The following ATMIN variants were observed in gnomAD, a reference collection of about 807,000 sequenced individuals.
The protein encoded by ATMIN is ATM interactor, also known as ATM INteracting protein.
ATMIN carries 24 observed loss-of-function variants against 49.2 expected under a neutral mutation model. The ratio of observed to expected loss-of-function variants is 0.49; its 90% CI spans 0.35 to 0.69. The LOEUF (loss-of-function observed/expected upper bound fraction) is 0.69. Ranked by LOEUF, ATMIN falls within the 30% of genes least tolerant of loss-of-function variation. ATMIN has a pLI of 0.00. For synonymous variants in ATMIN, 450 were observed against 392.5 expected, an observed-to-expected ratio of 1.15 and a Z score of -1.73; for missense variants, 1,037 against 1,005.5, an observed-to-expected ratio of 1.03 and a Z score of -0.42.
chr16:81,036,341 C>T (rs941880859), intron 1 of ATMIN, 135 bp downstream of exon 1: 4 of 868,982 alleles, frequency 4.6e-6, no homozygotes, highest in Non-Finnish European at 5.6e-6. Flanking sequence ...CCGGCCTCTG[C>T]CCTCCCCGGC....
chr16:81,036,325 G>GCCGCTT, intron 1 of ATMIN, 119 bp downstream of exon 1: 1 of 959,478 alleles, frequency 1.0e-6, no homozygotes, highest in Non-Finnish European at 1.3e-6. Context: ...CGCTGCCGCT[G>GCCGCTT]CCCCACCGGC....
rs1971072789 is a variant in ATMIN at position 81,043,638 on chromosome 16, A to G, written c.1140A>G (p.Ile380Met). ...KIANPIAGEP[I>M]STGVQVNFGK... ...CTAATCCTATTGCTGGTGAGCCAAT[A>G]AGTACTGGTGTTCAAGTGAACTTTG... Residue 380 changes from isoleucine to methionine, a missense_variant, in exon 4 of 4, where the codon ATA (isoleucine) becomes ATG (methionine). Ile to Met is a conservative substitution (Grantham distance 10). Transcript: ENST00000299575. 1.2e-6 allele frequency: 2 copies of G among 1,614,128 alleles called. No homozygotes were observed. The highest frequency in any genetic ancestry group is 2.2e-5 in the East Asian group (1 of 44,896).
chr16:81,037,500 T>G (rs1166333123), intron 1 of ATMIN: 5 of 985,330 alleles, frequency 5.1e-6, no homozygotes, highest in Admixed American at 6.1e-5. Context: ...ACCGTGCAGG[T>G]GGGGCCGAAT....
At position 81,044,993 on chromosome 16, in the gene ATMIN, T is replaced by A; in HGVS notation, c.*23T>A. 1.3e-6 allele frequency: 2 copies of A among 1,597,486 alleles called. No homozygotes were observed. Among genetic ancestry groups the A allele is most frequent in the Non-Finnish European group, 1.7e-6 (2 of 1,170,160 alleles). The stretch of plus-strand genomic sequence containing the variant: ...TAAAACTAACGGTGGAGTCCATGTG[T>A]GAAATGGCATCTACCATTTCCTCTG... On this transcript the variant is annotated 3_prime_UTR_variant, in exon 4 of 4. Coordinates refer to ENST00000299575, the MANE Select transcript of ATMIN (RefSeq NM_015251.3).
rs892388771 is a variant in ATMIN, at chr16:81,046,543, T to A, written c.*1573T>A. On this transcript the variant is annotated 3_prime_UTR_variant, in exon 4 of 4. Coordinates refer to ENST00000299575, the MANE Select transcript of ATMIN (RefSeq NM_015251.3). ...CAAGAATGCTTTGTGTGTTTTGAGG[T>A]AGGAGCATGATCAAGTATGCTTTGG... 33 of 152,164 alleles carry A rather than the reference T, an allele frequency of 2.2e-4. No homozygotes were observed. The highest frequency in any genetic ancestry group is 8.0e-4 in the African/African-American group (33 of 41,442). The allele number at this position is 152,164 out of a possible 1,614,324, so 9.4% of individuals were successfully genotyped here.
rs767720958 is a variant in ATMIN at position 81,043,405 on chromosome 16, T to C, written c.907T>C (p.Leu303=). The change falls in exon 4 of 4, where the codon TTG becomes CTG. Residue 303 remains leucine (L), a synonymous_variant. Coordinates refer to ENST00000299575, the MANE Select transcript of ATMIN (RefSeq NM_015251.3). ...KLLLPKPKVA[L]VKLPVMQFSV... is the part of the protein sequence containing the mutation. The stretch of plus-strand genomic sequence containing the variant: ...GCTTTTACCAAAGCCCAAAGTGGCT[T>C]TGGTTAAACTACCCGTGATGCAGTT... The C allele has an allele frequency of 2.5e-5, 41 of 1,613,612 alleles. No homozygotes were observed. Among genetic ancestry groups the C allele is most frequent in the Non-Finnish European group, 3.5e-5 (41 of 1,179,938 alleles).
rs547736754 is a variant in ATMIN, at chr16:81,046,816, T to G, written c.*1846T>G. On this transcript the variant is annotated 3_prime_UTR_variant, in exon 4 of 4. Coordinates refer to ENST00000299575, the MANE Select transcript of ATMIN (RefSeq NM_015251.3). ...TGCTACTAATTCCTATCCCATACATTTGACACAAAAGAAGTGTTGGTAATG... is the reference window on the plus strand; with the variant it reads ...TGCTACTAATTCCTATCCCATACATGTGACACAAAAGAAGTGTTGGTAATG... 5.2e-4 allele frequency: 80 copies of G among 152,726 alleles called. No individual in the cohort carries two copies. Among genetic ancestry groups the G allele is most frequent in the African/African-American group, 1.8e-3 (73 of 41,568 alleles). 9.5% of individuals were successfully genotyped at this position (152,726 alleles called of 1,614,324 possible). A position where few individuals can be genotyped will look rare whatever the true frequency, so the allele number is the denominator to read the frequency against.
In ATMIN at chr16:81,044,442, G is replaced by T; in HGVS notation, c.1944G>T (p.Gln648His). The change falls in exon 4 of 4, where the codon CAG (glutamine) becomes CAT (histidine). Residue 648 changes from glutamine to histidine, a missense_variant. By Grantham distance (24) the Gln-to-His change is conservative. Transcript: ENST00000299575. The stretch of plus-strand genomic sequence containing the variant: ...AGTTCTTTTCGGCCTCAAATATCCA[G>T]ACTCAAACTGAAGAGAGTGAACTTA... The part of the protein sequence containing the change: ...IEEFFSASNI[Q>H]TQTEESELST... 6.2e-7 allele frequency: 1 copy of T among 1,614,054 alleles called. No individual in the cohort carries two copies. The highest frequency in any genetic ancestry group is 1.1e-5 in the South Asian group (1 of 91,066).
intron 1 of ATMIN, chr16:81,040,862 C>G (rs1165421946): frequency 6.4e-6 from 1 of 155,572 alleles, no homozygotes; most frequent in Non-Finnish European, 1.4e-5. Flanking sequence ...ATGACAAAAT[C>G]CACATAAATA....
rs1313992821 is a variant in ATMIN, at chr16:81,043,971, A to C, written c.1473A>C (p.Arg491Ser). ...DTCFQSGGVS[R>S]ETQTSGIESP... ...GTTTCCAGTCAGGTGGGGTCTCCAG[A>C]GAAACTCAAACCAGTGGGATAGAAA... The change falls in exon 4 of 4, where the codon AGA becomes AGC. Residue 491 changes from arginine to serine, a missense_variant. Physicochemically the swap from Arg to Ser is moderately radical, Grantham distance 110. Coordinates refer to ENST00000299575, the MANE Select transcript of ATMIN (RefSeq NM_015251.3). 32 of 1,614,126 alleles carry C rather than the reference A, an allele frequency of 2.0e-5. No individual in the cohort carries two copies. Among genetic ancestry groups the C allele is most frequent in the Non-Finnish European group, 2.6e-5 (31 of 1,180,052 alleles).
At chr16:81,036,260 G>C (rs1273092892) in intron 1 of ATMIN, 54 bp downstream of exon 1, 49 of 1,184,632 alleles carry the variant, frequency 4.1e-5, no homozygotes, top group Non-Finnish European at 5.0e-5. Context: ...CCAACAAAGC[G>C]CCCGGCGCCG....
Position 81,046,755 on chromosome 16 carries a change from G to C in ATMIN, c.*1785G>C, listed in dbSNP as rs1160235618. 1 of 152,360 alleles carries C rather than the reference G, an allele frequency of 6.6e-6. No individual in the cohort carries two copies. Among genetic ancestry groups the C allele is most frequent in the African/African-American group, 2.4e-5 (1 of 41,370 alleles). The allele number at this position is 152,360 out of a possible 1,614,324, so 9.4% of individuals were successfully genotyped here. ...AAGCTAAATCCTCAAAACCTAGTAA[G>C]GGGACTAATGATTCATTAAAGTAAA... On this transcript the variant is annotated 3_prime_UTR_variant, in exon 4 of 4. Transcript: ENST00000299575.
chr16:81,043,603 T>C lies in ATMIN; in HGVS notation c.1105T>C (p.Phe369Leu), dbSNP rs1464726959. The C allele has an allele frequency of 1.5e-5, 25 of 1,614,110 alleles. No homozygotes were observed. Among genetic ancestry groups the C allele is most frequent in the Non-Finnish European group, 2.1e-5 (25 of 1,180,054 alleles). ...ACSLKESLPLFKIANPIAGEP... is the reference protein window; with the variant it reads ...ACSLKESLPLLKIANPIAGEP... ...CTCTCTTAAGGAGAGCCTACCTCTTTTCAAAATTGCTAATCCTATTGCTGG... is the reference window on the plus strand; with the variant it reads ...CTCTCTTAAGGAGAGCCTACCTCTTCTCAAAATTGCTAATCCTATTGCTGG... The change falls in exon 4 of 4, where the codon TTC (phenylalanine) becomes CTC (leucine). Residue 369 changes from phenylalanine to leucine, a missense_variant. Phe to Leu is a conservative substitution (Grantham distance 22). Coordinates refer to ENST00000299575, the MANE Select transcript of ATMIN (RefSeq NM_015251.3).
In ATMIN at chr16:81,035,963, C is replaced by T. The variant is rs1970920065; in HGVS notation, c.93C>T (p.Ala31=). 2 of 1,042,320 alleles carry T rather than the reference C, an allele frequency of 1.9e-6. No individual in the cohort carries two copies. Among genetic ancestry groups the T allele is most frequent in the African/African-American group, 1.7e-5 (1 of 58,038 alleles). 64.6% of individuals were successfully genotyped at this position (1,042,320 alleles called of 1,614,324 possible). Residue 31 remains alanine (A), a synonymous_variant, in exon 1 of 4, where the codon GCC becomes GCT. Coordinates refer to ENST00000299575, the MANE Select transcript of ATMIN (RefSeq NM_015251.3). The part of the protein sequence containing the change: ...AVPAATTGAA[A]AASGPWVPPG... Reference sequence around the variant, plus strand: ...CGGCGGCCACGACAGGAGCCGCCGCCGCCGCCTCGGGCCCGTGGGTGCCCC... The same window carrying T: ...CGGCGGCCACGACAGGAGCCGCCGCTGCCGCCTCGGGCCCGTGGGTGCCCC...
Position 81,043,148 on chromosome 16 carries a change from T to C in ATMIN, c.663-13T>C, listed in dbSNP as rs760017597. 3.2e-6 allele frequency: 5 copies of C among 1,584,376 alleles called. No individual in the cohort carries two copies. Among genetic ancestry groups the C allele is most frequent in the Non-Finnish European group, 4.3e-6 (5 of 1,170,256 alleles). ...ATTTTAAGGTTTTCTTTTTGCTCTGTCATTGTTTTCAGGGACCCACCTAGT... is the reference window on the plus strand; with the variant it reads ...ATTTTAAGGTTTTCTTTTTGCTCTGCCATTGTTTTCAGGGACCCACCTAGT... On this transcript the variant is annotated splice_polypyrimidine_tract_variant and intron_variant, in intron 3 of 3. Coordinates refer to ENST00000299575, the MANE Select transcript of ATMIN (RefSeq NM_015251.3).
rs560576559 is a variant in ATMIN at position 81,037,429 on chromosome 16, A to T, written c.336+1223A>T. ...CCACCATCTAAACCGGGATGCAACA[A>T]CGTTCTCAATTGAAGATCAGGGAGC... On this transcript the variant is annotated intron_variant, in intron 1 of 3. Coordinates refer to ENST00000299575, the MANE Select transcript of ATMIN (RefSeq NM_015251.3). The T allele has an allele frequency of 2.0e-4, 199 of 985,430 alleles. No individual in the cohort carries two copies. The African/African-American group carries it at 3.3e-3, about 16-fold the overall frequency. The allele number at this position is 985,430 out of a possible 1,614,324, so 61.0% of individuals were successfully genotyped here. A position where few individuals can be genotyped will look rare whatever the true frequency, so the allele number is the denominator to read the frequency against.
intron 1 of ATMIN, among the ~76,000 whole-genome samples, chr16:81,038,778 G>T (rs1195921242): frequency 6.6e-6 from 1 of 151,974 alleles, no homozygotes; most frequent in Admixed American, 6.6e-5. Flanking sequence ...CTGCCACCAT[G>T]CCCTGCCTCA....
chr16:81,044,350 C>T lies in ATMIN; in HGVS notation c.1852C>T (p.Pro618Ser). 6.2e-7 allele frequency: 1 copy of T among 1,614,134 alleles called. No homozygotes were observed. The highest frequency in any genetic ancestry group is 8.5e-7 in the Non-Finnish European group (1 of 1,180,024). The part of the protein sequence containing the change: ...DHRSLLSDTN[P>S]GPDTQLPSGP... Reference sequence around the variant, plus strand: ...TCGTAGTCTTTTGTCTGACACAAATCCTGGACCTGACACCCAGCTCCCATC... The same window carrying T: ...TCGTAGTCTTTTGTCTGACACAAATTCTGGACCTGACACCCAGCTCCCATC... The change falls in exon 4 of 4, where the codon CCT becomes TCT. Residue 618 changes from proline to serine, a missense_variant. Physicochemically the swap from Pro to Ser is moderately conservative, Grantham distance 74. Transcript: ENST00000299575.
chr16:81,042,585 A>G (rs1347984434), intron 3 of ATMIN, 105 bp downstream of exon 3: 2 of 1,193,838 alleles, frequency 1.7e-6, no homozygotes, highest in East Asian at 2.6e-5. Context: ...GGAATCTTAG[A>G]AAATGTGTGA....
Sources: allele counts gnomAD v4.1 joint callset (sites outside exome capture counted in the v4.1 genomes callset), GRCh38; gene constraint gnomAD v4.1.1; transcripts MANE v1.5; gene names NCBI Gene and HGNC (gene_info 2026-07-23, HGNC 2026-07-21).